The following CAPN5 variants were observed in gnomAD, a reference collection of about 807,000 sequenced individuals.
CAPN5 encodes the protein calpain-5.
In CAPN5, 54 loss-of-function variants were observed where a neutral mutation model predicts 73.0. That is an observed-to-expected ratio of 0.74 (90% CI 0.59 to 0.93). The LOEUF is 0.93. Ranked by LOEUF, CAPN5 falls within the 40% of genes least tolerant of loss-of-function variation. The pLI is 0.00. For synonymous variants in CAPN5, 335 were observed against 356.9 expected (o/e 0.94, Z 0.69); for missense variants, 785 against 882.9 (o/e 0.89, Z 1.41).
At chr11:77,111,491 G>A (rs1555040737) in intron 3 of CAPN5, among the ~76,000 whole-genome samples, 1 of 152,184 alleles carries the variant, frequency 6.6e-6, no homozygotes, top group Non-Finnish European at 1.5e-5. Flanking sequence ...AGAGGTTATT[G>A]TGATAATTAA....
In CAPN5 at chr11:77,116,287, G is replaced by A. The variant is rs1166873648; in HGVS notation, c.955G>A (p.Asp319Asn). The A allele has an allele frequency of 1.2e-6, 2 of 1,613,414 alleles. No homozygotes were observed. The highest frequency in any genetic ancestry group is 1.7e-6 in the Non-Finnish European group (2 of 1,179,772). ...EREKMGVTVQ[D>N]DGEFWMTFED... is the part of the protein sequence containing the mutation. ...GGAGAAGATGGGTGTGACCGTGCAGGACGACGGTGAGTTCTGGTGAGTGTG... is the reference window on the plus strand; with the variant it reads ...GGAGAAGATGGGTGTGACCGTGCAGAACGACGGTGAGTTCTGGTGAGTGTG... The change falls in exon 7 of 13, where the codon GAC (aspartate) becomes AAC (asparagine). Residue 319 changes from aspartate to asparagine, a missense_variant. Transcript: ENST00000648180.
Position 77,114,149 on chromosome 11 carries a change from CCCCT to C in CAPN5, c.507-91_507-88del. 17 of 1,162,086 alleles carry C rather than the reference CCCCT, an allele frequency of 1.5e-5. No homozygotes were observed. In the South Asian group the frequency reaches 2.2e-4, roughly 15 times the overall value. The allele number at this position is 1,162,086 out of a possible 1,614,324, so 72.0% of individuals were successfully genotyped here. ...TGCGTGACTGTAACAGGTTGTTTGA[CCCCT>C]CTGAGTTTCAAAAACCTCCCCTATG... On this transcript the variant is annotated intron_variant, in intron 4 of 12. Coordinates refer to ENST00000648180, the MANE Select transcript of CAPN5 (RefSeq NM_004055.5).
chr11:77,076,064 C>T lies in CAPN5; in HGVS notation c.-35-8788C>T, dbSNP rs140807516. Among the ~76,000 whole-genome samples, 10 of 152,212 alleles carry T rather than the reference C, an allele frequency of 6.6e-5. No homozygotes were observed. In the East Asian group the frequency reaches 1.7e-3, roughly 26 times the overall value. ...CACATACTTTTTTGTCCTGAGAACA[C>T]TCAAAATCTACTCTCGGCCGGGCGC... is the stretch of plus-strand genomic sequence containing the variant. On this transcript the variant is annotated intron_variant, in intron 1 of 12. Coordinates refer to ENST00000648180, the MANE Select transcript of CAPN5 (RefSeq NM_004055.5).
chr11:77,097,004 C>T (rs1364388433), intron 3 of CAPN5, among the ~76,000 whole-genome samples: 3 of 152,220 alleles, frequency 2.0e-5, no homozygotes, highest in South Asian at 2.1e-4. Context: ...GGGCGGATCA[C>T]GAGGTCAGGA....
At chr11:77,073,613 C>A (rs1555033499) in intron 1 of CAPN5, among the ~76,000 whole-genome samples, 1 of 152,220 alleles carries the variant, frequency 6.6e-6, no homozygotes, top group East Asian at 1.9e-4. Flanking sequence ...CAGCCAGAGA[C>A]CCTGTTCCCC....
At chr11:77,085,331 G>A (rs1045204101) in intron 2 of CAPN5, among the ~76,000 whole-genome samples, 8 of 152,194 alleles carry the variant, frequency 5.3e-5, no homozygotes, top group Admixed American at 1.3e-4. Context: ...CCTCAGCCCC[G>A]CTGAGGGTCA....
intron 3 of CAPN5, among the ~76,000 whole-genome samples, chr11:77,106,780 T>C (rs782428991): frequency 1.3e-5 from 2 of 152,130 alleles, no homozygotes; most frequent in Non-Finnish European, 2.9e-5. Flanking sequence ...GGAGAACCTG[T>C]GGAGAGCTGA....
Position 77,123,901 on chromosome 11 carries a change from C to T in CAPN5, c.*31C>T. Reference sequence around the variant, plus strand: ...GCCCACCTACCTGGCTCTGACCGTTCCCACCACCATCTGCATGTCCCCACT... The same window carrying T: ...GCCCACCTACCTGGCTCTGACCGTTTCCACCACCATCTGCATGTCCCCACT... On this transcript the variant is annotated 3_prime_UTR_variant, in exon 13 of 13. Coordinates refer to ENST00000648180, the MANE Select transcript of CAPN5 (RefSeq NM_004055.5). The T allele has an allele frequency of 6.3e-7, 1 of 1,599,180 alleles. No homozygotes were observed. The highest frequency in any genetic ancestry group is 1.1e-5 in the South Asian group (1 of 89,134).
In CAPN5 at chr11:77,115,338, C is replaced by T. The variant is rs181766707; in HGVS notation, c.700-57C>T. On this transcript the variant is annotated intron_variant, in intron 5 of 12. Transcript: ENST00000648180. ...CCTCCTAGCCCTCCAGCACCTGAGT[C>T]CCTGGTCTGGGTTCCAGTGTGGCCC... 5.0e-4 allele frequency: 732 copies of T among 1,455,392 alleles called. 6 individuals carry two copies. The African/African-American group carries it at 8.8e-3, about 18-fold the overall frequency. 90.2% of individuals were successfully genotyped at this position (1,455,392 alleles called of 1,614,324 possible). A position where few individuals can be genotyped will look rare whatever the true frequency, so the allele number is the denominator to read the frequency against.
intron 3 of CAPN5, among the ~76,000 whole-genome samples, chr11:77,104,487 G>A (rs1276359029): frequency 2.0e-5 from 3 of 152,174 alleles, no homozygotes; most frequent in Admixed American, 6.5e-5. Context: ...GTGGTGTGAC[G>A]GCAGAATGGT....
chr11:77,088,452 A>C (rs79446330), intron 2 of CAPN5, among the ~76,000 whole-genome samples: 1,567 of 152,208 alleles, frequency 0.01, 35 homozygotes, highest in African/African-American at 0.036. Context: ...GATGGGGTTC[A>C]GTGGGGTCAG....
At chr11:77,110,849 G>C (rs1246369332) in intron 3 of CAPN5, among the ~76,000 whole-genome samples, 1 of 152,198 alleles carries the variant, frequency 6.6e-6, no homozygotes, top group East Asian at 1.9e-4. Context: ...AGCAGCTTTT[G>C]GCTGAAGTCT....
chr11:77,067,632 CGTGTGTGTGTGTGTGTGTGTGT>C (rs71043542), intron 1 of CAPN5, among the ~76,000 whole-genome samples: 1 of 126,636 alleles, frequency 7.9e-6, no homozygotes, highest in African/African-American at 3.2e-5. Flanking sequence ...GGCGGGCGCA[CGTGTGTGTGTGTGTGTGTGTGT>C]GTGTGTGTGT....
At chr11:77,101,047 C>G (rs1950278541) in intron 3 of CAPN5, among the ~76,000 whole-genome samples, 1 of 152,264 alleles carries the variant, frequency 6.6e-6, no homozygotes, top group African/African-American at 2.4e-5. Flanking sequence ...TCCCCACCTG[C>G]CCACCTTCCT....
intron 1 of CAPN5, among the ~76,000 whole-genome samples, chr11:77,075,870 C>T (rs1392983010): frequency 6.6e-6 from 1 of 152,082 alleles, no homozygotes; most frequent in East Asian, 1.9e-4. Flanking sequence ...ATAGCCAAGT[C>T]CTGCTTTCTG....
chr11:77,084,850 A>G lies in CAPN5; in HGVS notation c.-35-2A>G, dbSNP rs372184681. 36 of 1,613,188 alleles carry G rather than the reference A, an allele frequency of 2.2e-5. No homozygotes were observed. Among genetic ancestry groups the G allele is most frequent in the South Asian group, 3.3e-5 (3 of 91,032 alleles). On this transcript the variant is annotated splice_acceptor_variant, in intron 1 of 12. Coordinates refer to ENST00000648180, the MANE Select transcript of CAPN5 (RefSeq NM_004055.5). LOFTEE classifies it low-confidence loss of function (5UTR_SPLICE). ...TGACCGTCTTCTTGCCTTCCTGTCC[A>G]GGTGTTCCCCCTCCCCTCCCTGGGG...
intron 3 of CAPN5, among the ~76,000 whole-genome samples, chr11:77,101,548 A>G (rs1254995912): frequency 6.6e-6 from 1 of 152,146 alleles, no homozygotes; most frequent in Non-Finnish European, 1.5e-5. Context: ...TTTTAACAGG[A>G]CCGGGTATTC....
At position 77,118,903 on chromosome 11, in the gene CAPN5, G is replaced by A. The variant is rs1950494795; in HGVS notation, c.1168-127G>A. On this transcript the variant is annotated intron_variant, in intron 8 of 12. Transcript: ENST00000648180. ...TTGGTAGGCCCACCTCACAGCAGAG[G>A]GACCAAGGCGCAGAGAGGTGCTGTG... The A allele has an allele frequency of 3.9e-6, 4 of 1,036,918 alleles. No homozygotes were observed. The East Asian group carries it at 1.0e-4, about 27-fold the overall frequency. 64.2% of individuals were successfully genotyped at this position (1,036,918 alleles called of 1,614,324 possible).
intron 4 of CAPN5, among the ~76,000 whole-genome samples, chr11:77,113,114 T>G (rs1247899119): frequency 6.6e-6 from 1 of 152,176 alleles, no homozygotes; most frequent in Non-Finnish European, 1.5e-5. Context: ...TCTCGAAGGT[T>G]CATGCTGCCA....
Sources: gnomAD v4.1 joint callset for allele counts (sites outside exome capture counted in the v4.1 genomes callset) on GRCh38, gnomAD v4.1.1 for gene constraint, MANE v1.5 for transcripts, NCBI Gene and HGNC (gene_info 2026-07-23, HGNC 2026-07-21) for gene names.